PALD1: variants seen among roughly 807,000 people sequenced by gnomAD.
PALD1 encodes phosphatase domain containing paladin 1, also known as paladin.
A neutral mutation model predicts 96.0 loss-of-function variants in PALD1; 57 were observed. The ratio of observed to expected loss-of-function variants is 0.59; its 90% CI spans 0.48 to 0.74. The LOEUF is 0.74. Ranked by LOEUF, PALD1 falls within the 30% of genes least tolerant of loss-of-function variation. The probability of loss-of-function intolerance (pLI) is 0.00; values close to 1 mark genes in which losing one functional copy is unlikely to be tolerated. For synonymous variants in PALD1, 464 were observed against 473.6 expected (o/e 0.98, Z 0.26); for missense variants, 1,063 against 1,143.7 (o/e 0.93, Z 1.02).
At chr10:70,461,167 G>A in the PALD1 span, among the ~76,000 whole-genome samples, 4 of 152,246 alleles carry the variant, frequency 2.6e-5, no homozygotes, top group Non-Finnish European at 5.9e-5. Flanking sequence ...AGAGTGTGAT[G>A]TGAGTGTTCC....
intron 10 of PALD1, 107 bp from the exon 11 acceptor site, chr10:70,537,704 A>G: frequency 1.4e-6 from 1 of 707,468 alleles, no homozygotes; most frequent in Non-Finnish European, 2.5e-6. Flanking sequence ...GGAGGGAAAG[A>G]CTGTCTTCTG....
chr10:70,516,041 G>A (rs1048308049), intron 1 of PALD1, among the ~76,000 whole-genome samples: 2 of 152,224 alleles, frequency 1.3e-5, no homozygotes, highest in African/African-American at 4.8e-5. Context: ...AGTACCCTGA[G>A]CTGAGCAAGA....
At chr10:70,551,726 A>G (rs881823) in intron 18 of PALD1, among the ~76,000 whole-genome samples, 111,723 of 152,108 alleles carry the variant, frequency 0.73, 41,758 homozygotes, top group East Asian at 0.98. Context: ...CAGCAATAAA[A>G]CTATTCCAGG....
intron 3 of PALD1, among the ~76,000 whole-genome samples, 166 bp downstream of exon 3, chr10:70,529,497 T>C (rs1304326994): frequency 6.6e-6 from 1 of 151,848 alleles, no homozygotes; most frequent in Non-Finnish European, 1.5e-5. Flanking sequence ...GATCCTCTGG[T>C]TGATTCCTGG....
chr10:70,474,533 C>G (rs1199682943), upstream of PALD1, among the ~76,000 whole-genome samples: 1 of 152,186 alleles, frequency 6.6e-6, no homozygotes, highest in African/African-American at 2.4e-5. Flanking sequence ...CACCACTGCA[C>G]TCCAGCCTGA....
chr10:70,550,698 A>G (rs555292043), intron 18 of PALD1, among the ~76,000 whole-genome samples: 3 of 152,206 alleles, frequency 2.0e-5, no homozygotes, highest in Middle Eastern at 3.4e-3. Context: ...TGGTCTGGCC[A>G]TTTCGTATAA....
chr10:70,521,609 T>C (rs903225142), intron 1 of PALD1, among the ~76,000 whole-genome samples: 1 of 152,010 alleles, frequency 6.6e-6, no homozygotes, highest in African/African-American at 2.4e-5. Flanking sequence ...CTCGGCTCAC[T>C]GCAACCTCTG....
chr10:70,489,295 C>A (rs759396027), intron 1 of PALD1, among the ~76,000 whole-genome samples: 3 of 152,184 alleles, frequency 2.0e-5, no homozygotes, highest in Admixed American at 6.5e-5. Flanking sequence ...GTCCCAGGTG[C>A]TCTGAGTCTT....
chr10:70,480,999 G>T (rs75612940), intron 1 of PALD1, among the ~76,000 whole-genome samples: 1 of 152,222 alleles, frequency 6.6e-6, no homozygotes, highest in African/African-American at 2.4e-5. Context: ...CGTGGGCCAC[G>T]TATGGGCTGC....
At chr10:70,490,073 C>A (rs998619258) in intron 1 of PALD1, among the ~76,000 whole-genome samples, 1 of 152,180 alleles carries the variant, frequency 6.6e-6, no homozygotes, top group Admixed American at 6.5e-5. Context: ...CAGGCACCTG[C>A]CACCATGCCC....
chr10:70,512,209 C>G lies in PALD1; in HGVS notation c.-29-13714C>G, dbSNP rs1410494990. Among the ~76,000 whole-genome samples the G allele has an allele frequency of 2.6e-5, 4 of 152,216 alleles. No individual in the cohort carries two copies. In the East Asian group the frequency reaches 7.7e-4, roughly 29 times the overall value. On this transcript the variant is annotated intron_variant, in intron 1 of 19. Coordinates refer to ENST00000263563, the MANE Select transcript of PALD1 (RefSeq NM_014431.3). ...TTAGTCACATGGCCCCAGGTCGCTGCAAGGGAGGTGGGGAATGCAGTCTTG... is the reference window on the plus strand; with the variant it reads ...TTAGTCACATGGCCCCAGGTCGCTGGAAGGGAGGTGGGGAATGCAGTCTTG...
rs553159072 is a variant in PALD1, at chr10:70,550,897, T to A, written c.2262+3451T>A. 2.0e-5 allele frequency among the ~76,000 whole-genome samples: 3 copies of A among 152,368 alleles called. No individual in the cohort carries two copies. In the South Asian group the frequency reaches 6.2e-4, roughly 32 times the overall value. On this transcript the variant is annotated intron_variant, in intron 18 of 19. Transcript: ENST00000263563. ...ATGGACATTTGGTTTGTTGTAGAAC[T>A]TTTTGGCTATTATGAATAATGTTGC...
chr10:70,514,263 G>A (rs1846576726), intron 1 of PALD1, among the ~76,000 whole-genome samples: 1 of 152,230 alleles, frequency 6.6e-6, no homozygotes, highest in Non-Finnish European at 1.5e-5. Flanking sequence ...AGGGATTGCA[G>A]GCTGAAGGCT....
intron 1 of PALD1, among the ~76,000 whole-genome samples, chr10:70,508,773 ACT>A (rs1224088652): frequency 3.2e-5 from 2 of 63,470 alleles, no homozygotes; most frequent in East Asian, 8.8e-4. Context: ...GTGGGTTTCG[ACT>A]CTGTATGGCG....
the PALD1 span, among the ~76,000 whole-genome samples, chr10:70,472,143 C>T: frequency 6.6e-6 from 1 of 152,180 alleles, no homozygotes; most frequent in Non-Finnish European, 1.5e-5. Flanking sequence ...GATCCCTGAC[C>T]CCTTCCTCAC....
chr10:70,465,590 G>A, the PALD1 span, among the ~76,000 whole-genome samples: 2 of 152,232 alleles, frequency 1.3e-5, no homozygotes, highest in East Asian at 3.9e-4. Flanking sequence ...TACAGGTGAG[G>A]GGCCTGAGTC....
intron 16 of PALD1, 62 bp downstream of exon 16, chr10:70,541,304 C>T: frequency 1.9e-6 from 3 of 1,558,044 alleles, no homozygotes; most frequent in Non-Finnish European, 2.6e-6. Context: ...CACTCAGGTC[C>T]CAGGCACACT....
At chr10:70,488,950 G>A (rs780839020) in intron 1 of PALD1, among the ~76,000 whole-genome samples, 11 of 151,426 alleles carry the variant, frequency 7.3e-5, no homozygotes, top group African/African-American at 2.7e-4. Context: ...ACTGCTGGGG[G>A]TTCTGGGCGG....
rs548652971 is a variant in PALD1 at position 70,539,577 on chromosome 10, C to G, written c.1726-3C>G. 13 of 1,605,154 alleles carry G rather than the reference C, an allele frequency of 8.1e-6. No individual in the cohort carries two copies. The East Asian group carries it at 2.5e-4, about 30-fold the overall frequency. On this transcript the variant is annotated splice_region_variant and splice_polypyrimidine_tract_variant and intron_variant, in intron 14 of 19. Coordinates refer to ENST00000263563, the MANE Select transcript of PALD1 (RefSeq NM_014431.3). This position sits in a 1 kb window ranked among gnomAD's most constrained non-coding sequence, Gnocchi z 4.5. ...CTGTGTCCTCCCTCCTGCCCTTGCCCAGACCCTGGAGGCCCAGCTGAAGGC... is the reference window on the plus strand; with the variant it reads ...CTGTGTCCTCCCTCCTGCCCTTGCCGAGACCCTGGAGGCCCAGCTGAAGGC...
Sources: gnomAD v4.1 joint callset for allele counts (sites outside exome capture counted in the v4.1 genomes callset) on GRCh38, gnomAD v4.1.1 for gene constraint, Gnocchi (gnomAD v3.1) non-coding constraint, MANE v1.5 for transcripts, NCBI Gene and HGNC (gene_info 2026-07-23, HGNC 2026-07-21) for gene names.